The following LRRC4C variants were observed in gnomAD, a reference collection of about 807,000 sequenced individuals.
The protein encoded by LRRC4C is leucine-rich repeat-containing protein 4C.
LRRC4C carries 5 observed loss-of-function variants against 33.6 expected under a neutral mutation model. The observed-to-expected ratio is 0.15, with a 90% CI of 0.08 to 0.31. LRRC4C has a LOEUF of 0.31. Ranked by LOEUF, LRRC4C falls within the 10% of genes least tolerant of loss-of-function variation. The pLI is 1.00. For missense variants in LRRC4C, 560 were observed against 796.7 expected, an observed-to-expected ratio of 0.70 and a Z score of 3.58; for synonymous variants, 329 against 302.0, an observed-to-expected ratio of 1.09 and a Z score of -0.93.
intron 2 of LRRC4C, among the ~76,000 whole-genome samples, chr11:40,662,069 G>T (rs2136215631): frequency 6.6e-6 from 1 of 152,296 alleles, no homozygotes; most frequent in East Asian, 1.9e-4. Context: ...AATGAATGGA[G>T]GCTCACATTC....
intron 3 of LRRC4C, among the ~76,000 whole-genome samples, chr11:40,575,726 T>C (rs1269474286): frequency 6.6e-6 from 1 of 152,170 alleles, no homozygotes; most frequent in Non-Finnish European, 1.5e-5. Flanking sequence ...TGATCTTTAC[T>C]TAGAAGACAG....
At chr11:41,436,693 A>T (rs1955440205) in intron 1 of LRRC4C, among the ~76,000 whole-genome samples, 1 of 152,216 alleles carries the variant, frequency 6.6e-6, no homozygotes, top group South Asian at 2.1e-4. Context: ...AAGCATGTCC[A>T]GTTGAATTCA....
intron 1 of LRRC4C, among the ~76,000 whole-genome samples, chr11:40,965,034 T>C (rs1851244539): frequency 6.6e-6 from 1 of 152,080 alleles, no homozygotes; most frequent in African/African-American, 2.4e-5. Context: ...CAGCACCTGT[T>C]GTTTCCTGAC....
intron 5 of LRRC4C, among the ~76,000 whole-genome samples, chr11:40,185,824 C>T (rs1220105094): frequency 6.6e-6 from 1 of 152,038 alleles, no homozygotes; most frequent in Non-Finnish European, 1.5e-5. Context: ...AGCACTGAGT[C>T]CCTGGACGTC....
Position 40,255,796 on chromosome 11 carries a change from T to C in LRRC4C, c.-175-14198A>G, listed in dbSNP as rs567459803. On this transcript the variant is annotated intron_variant, in intron 4 of 6. Coordinates refer to ENST00000528697, the MANE Select transcript of LRRC4C (RefSeq NM_001258419.2). ...CACCCAAATACAAAATATTTTGGTATAAAACCTCATTTGTATAAAGGCCAT... is the reference window on the plus strand; with the variant it reads ...CACCCAAATACAAAATATTTTGGTACAAAACCTCATTTGTATAAAGGCCAT... 3.9e-5 allele frequency among the ~76,000 whole-genome samples: 6 copies of C among 152,326 alleles called. No homozygotes were observed. In the South Asian group the frequency reaches 1.2e-3, roughly 32 times the overall value.
At chr11:41,195,606 C>A (rs12274768) in intron 1 of LRRC4C, among the ~76,000 whole-genome samples, 1 of 151,968 alleles carries the variant, frequency 6.6e-6, no homozygotes, top group East Asian at 1.9e-4. Context: ...TACAGGTATG[C>A]GTTGACTTAG....
intron 3 of LRRC4C, among the ~76,000 whole-genome samples, chr11:40,443,804 T>C (rs564475385): frequency 1.7e-4 from 26 of 152,354 alleles, no homozygotes; most frequent in South Asian, 6.2e-4. Flanking sequence ...AATGTTTTAC[T>C]AATCATCTTT....
intron 3 of LRRC4C, among the ~76,000 whole-genome samples, chr11:40,531,825 AAGAAGACAGTAAG>A (rs1956283969): frequency 6.6e-6 from 1 of 151,684 alleles, no homozygotes; most frequent in South Asian, 2.1e-4. Flanking sequence ...TGGTAAAGGA[AAGAAGACAGTAAG>A]AAAAACAAAA....
intron 3 of LRRC4C, among the ~76,000 whole-genome samples, chr11:40,463,674 T>C (rs1952516187): frequency 6.6e-6 from 1 of 152,058 alleles, no homozygotes; most frequent in Non-Finnish European, 1.5e-5. Flanking sequence ...ATCTTAGAGC[T>C]ACAAAATGCT....
intron 1 of LRRC4C, among the ~76,000 whole-genome samples, chr11:41,359,863 C>T (rs1952289001): frequency 6.6e-6 from 1 of 152,042 alleles, no homozygotes; most frequent in Admixed American, 6.6e-5. Context: ...AAGCTTTCAT[C>T]TATATGTTTT....
intron 1 of LRRC4C, among the ~76,000 whole-genome samples, chr11:41,285,675 A>G (rs1949803711): frequency 6.6e-6 from 1 of 152,080 alleles, no homozygotes; most frequent in Non-Finnish European, 1.5e-5. Context: ...TCTGCTGCAG[A>G]TTTTTCCATG....
chr11:41,319,081 C>G (rs1950878712), intron 1 of LRRC4C, among the ~76,000 whole-genome samples: 1 of 152,204 alleles, frequency 6.6e-6, no homozygotes, highest in African/African-American at 2.4e-5. Flanking sequence ...CACATGTTCT[C>G]TGGCAGTCTT....
intron 1 of LRRC4C, among the ~76,000 whole-genome samples, chr11:40,984,900 T>TTTTTTTTTTTTTTG: frequency 8.8e-6 from 1 of 113,928 alleles, no homozygotes; most frequent in African/African-American, 3.6e-5. Flanking sequence ...ACACTTTTTT[T>TTTTTTTTTTTTTTG]TTTTTTTTTT....
chr11:40,520,409 T>A (rs1172656421), intron 3 of LRRC4C, among the ~76,000 whole-genome samples: 2 of 152,216 alleles, frequency 1.3e-5, no homozygotes, highest in Non-Finnish European at 2.9e-5. Context: ...AACTCTTCTT[T>A]TCACTTGAAT....
chr11:40,372,595 G>C (rs779664318), intron 3 of LRRC4C, among the ~76,000 whole-genome samples: 1 of 152,188 alleles, frequency 6.6e-6, no homozygotes, highest in Non-Finnish European at 1.5e-5. Context: ...AATTAGGGCA[G>C]AGGCATATTT....
intron 1 of LRRC4C, among the ~76,000 whole-genome samples, chr11:41,230,324 A>C (rs1947728576): frequency 6.6e-6 from 1 of 152,048 alleles, no homozygotes; most frequent in Non-Finnish European, 1.5e-5. Flanking sequence ...CCTCAGAAAT[A>C]CCTTGGAATG....
chr11:41,297,620 T>C (rs1306229629), intron 1 of LRRC4C, among the ~76,000 whole-genome samples: 1 of 152,176 alleles, frequency 6.6e-6, no homozygotes, highest in Non-Finnish European at 1.5e-5. Flanking sequence ...ATTTGTGCAG[T>C]ATATTAACCA....
At chr11:40,850,340 A>C (rs1003869968) in intron 2 of LRRC4C, among the ~76,000 whole-genome samples, 2 of 151,820 alleles carry the variant, frequency 1.3e-5, no homozygotes, top group African/African-American at 4.8e-5. Context: ...CTTTTTGCTG[A>C]TGTTGATGCT....
chr11:40,697,654 T>A (rs1395878662), intron 2 of LRRC4C, among the ~76,000 whole-genome samples: 1 of 152,200 alleles, frequency 6.6e-6, no homozygotes, highest in Non-Finnish European at 1.5e-5. Flanking sequence ...GCTTACTCCC[T>A]TTAAGTATTG....
Sources: gnomAD v4.1 joint callset for allele counts (sites outside exome capture counted in the v4.1 genomes callset) on GRCh38, gnomAD v4.1.1 for gene constraint, MANE v1.5 for transcripts, NCBI Gene and HGNC (gene_info 2026-07-23, HGNC 2026-07-21) for gene names.